Variants in LARP1 observed in about 807,000 individuals in gnomAD.
LARP1 encodes the protein la-related protein 1.
In LARP1, 36 loss-of-function variants were observed where a neutral mutation model predicts 122.7. The observed-to-expected ratio is 0.29, with a 90% CI of 0.22 to 0.39. The LOEUF is 0.39. Among genes scored for constraint, LARP1 ranks in the 10% least tolerant of loss-of-function variants. The pLI, the probability that LARP1 is intolerant of heterozygous loss-of-function variation, is 1.00. For missense variants in LARP1, 1,040 were observed against 1,403.6 expected (o/e 0.74, Z 4.14); for synonymous variants, 539 against 528.7 (o/e 1.02, Z -0.27).
chr5:154,787,600 A>T (rs1266629160), intron 1 of LARP1, among the ~76,000 whole-genome samples: 2 of 152,186 alleles, frequency 1.3e-5, no homozygotes, highest in Non-Finnish European at 2.9e-5. Flanking sequence ...TATGAATTTT[A>T]GATTTTAAAG....
Position 154,731,734 on chromosome 5 carries a change from C to A in LARP1, c.205+18604C>A, listed in dbSNP as rs147940298. Among the ~76,000 whole-genome samples, 29 of 152,156 alleles carry A rather than the reference C, an allele frequency of 1.9e-4. No homozygotes were observed. In the Middle Eastern group the frequency reaches 0.01, roughly 54 times the overall value. On this transcript the variant is annotated intron_variant, in intron 1 of 18. Transcript: ENST00000336314. ...ATTGGTAGAGGCATTTAAAATAGCT[C>A]ATTCAAGAAAGATGAGCCAGCGGGG...
At chr5:154,738,173 C>T (rs182385337) in intron 1 of LARP1, among the ~76,000 whole-genome samples, 3 of 152,232 alleles carry the variant, frequency 2.0e-5, no homozygotes, top group Admixed American at 1.3e-4. Context: ...CTGCCATTCC[C>T]TAAGCAGTCT....
At chr5:154,813,338 T>C (rs1447653988) in intron 18 of LARP1, among the ~76,000 whole-genome samples, 1 of 152,208 alleles carries the variant, frequency 6.6e-6, no homozygotes. Context: ...TTCGGGGTTA[T>C]AAGACCTTTG....
rs1759745032 is a variant in LARP1 at position 154,817,370 on chromosome 5, CGTA to C, written c.*3278_*3280del. 6.6e-6 allele frequency: 1 copy of C among 152,376 alleles called. No homozygotes were observed. Among genetic ancestry groups the C allele is most frequent in the Non-Finnish European group, 1.5e-5 (1 of 68,008 alleles). The allele number at this position is 152,376 out of a possible 1,614,324, so 9.4% of individuals were successfully genotyped here. On this transcript the variant is annotated 3_prime_UTR_variant, in exon 19 of 19. Coordinates refer to ENST00000518297, the MANE Select transcript of LARP1 (RefSeq NM_033551.3). The stretch of plus-strand genomic sequence containing the variant: ...TGCGGAGAAGGTTCCACCTTACGCT[CGTA>C]GTACATTATCTTTACTATGTGCTAG...
chr5:154,771,051 G>T (rs375711316), intron 1 of LARP1, among the ~76,000 whole-genome samples: 2 of 151,460 alleles, frequency 1.3e-5, no homozygotes, highest in African/African-American at 4.9e-5. Context: ...GGTGGAGGTT[G>T]CTGTGAGCCA....
chr5:154,718,992 G>GTC (rs947246828), intron 1 of LARP1, among the ~76,000 whole-genome samples: 1 of 152,214 alleles, frequency 6.6e-6, no homozygotes, highest in Non-Finnish European at 1.5e-5. Flanking sequence ...CAGAAGCAGG[G>GTC]TCTCTCTTGA....
intron 1 of LARP1, among the ~76,000 whole-genome samples, chr5:154,747,175 G>A (rs985653864): frequency 6.6e-6 from 1 of 151,756 alleles, no homozygotes; most frequent in Non-Finnish European, 1.5e-5. Flanking sequence ...GTGAGGTGGC[G>A]GGCACCTGTA....
At chr5:154,715,460 C>G (rs1212123140) in intron 1 of LARP1, among the ~76,000 whole-genome samples, 1 of 151,890 alleles carries the variant, frequency 6.6e-6, no homozygotes, top group African/African-American at 2.4e-5. Context: ...TCAGGCTGCT[C>G]TTGAACTCCC....
intron 14 of LARP1, chr5:154,805,220 A>G: frequency 4.1e-6 from 1 of 246,198 alleles, no homozygotes; most frequent in Non-Finnish European, 8.0e-6. Flanking sequence ...TGAACCTAAA[A>G]TAAAAGTTAA....
chr5:154,698,017 G>A (rs1253579298), intron 1 of LARP1, among the ~76,000 whole-genome samples: 6 of 151,810 alleles, frequency 4.0e-5, no homozygotes, highest in African/African-American at 1.2e-4. Context: ...GTTGAAATGA[G>A]GTTGGGTGGT....
At chr5:154,687,140 T>C (rs1753975431) in intron 1 of LARP1, among the ~76,000 whole-genome samples, 1 of 152,278 alleles carries the variant, frequency 6.6e-6, no homozygotes, top group Non-Finnish European at 1.5e-5. Flanking sequence ...ATAGGTGATA[T>C]CTAACTTGCT....
At chr5:154,756,679 C>G (rs1329144668) in intron 1 of LARP1, among the ~76,000 whole-genome samples, 2 of 152,112 alleles carry the variant, frequency 1.3e-5, no homozygotes, top group African/African-American at 2.4e-5. Flanking sequence ...GGAGTACATG[C>G]TGGCCGCACG....
chr5:154,760,118 T>C lies in LARP1; in HGVS notation c.436+3925T>C, dbSNP rs916798024. ...CCATGCCCGGCTAATTTTGTATTTT[T>C]AGTAGAACGGGGTTTCTCCATGTTG... On this transcript the variant is annotated intron_variant, in intron 1 of 18. Coordinates refer to ENST00000518297, the MANE Select transcript of LARP1 (RefSeq NM_033551.3). 4.6e-5 allele frequency among the ~76,000 whole-genome samples: 7 copies of C among 152,234 alleles called. No homozygotes were observed. In the South Asian group the frequency reaches 1.5e-3, roughly 32 times the overall value.
intron 8 of LARP1, among the ~76,000 whole-genome samples, chr5:154,799,163 G>C (rs1378193028): frequency 6.6e-6 from 1 of 152,182 alleles, no homozygotes; most frequent in Non-Finnish European, 1.5e-5. Flanking sequence ...GGCCCGACCT[G>C]TAAAGTTTTT....
upstream of LARP1, among the ~76,000 whole-genome samples, chr5:154,708,841 C>T (rs1451592630): frequency 2.0e-5 from 3 of 152,092 alleles, no homozygotes; most frequent in African/African-American, 7.2e-5. Flanking sequence ...GAACTTCCGA[C>T]CTCTGGAGAT....
chr5:154,690,100 T>C (rs1188991101), intron 1 of LARP1, among the ~76,000 whole-genome samples: 1 of 152,022 alleles, frequency 6.6e-6, no homozygotes, highest in African/African-American at 2.4e-5. Flanking sequence ...ATCAAGTAGC[T>C]AGCAGCCCTC....
At chr5:154,696,174 C>A (rs1243302816) in intron 1 of LARP1, among the ~76,000 whole-genome samples, 1 of 151,868 alleles carries the variant, frequency 6.6e-6, no homozygotes, top group African/African-American at 2.4e-5. Context: ...CAGGGTAACA[C>A]GGAGAAACAC....
rs952644218 is a variant in LARP1, at chr5:154,812,924, C to G, written c.3082-963C>G. ...ATGCAATTATCTCCACCTGGTCCCT[C>G]CCGCGACATGTGGGGATTATGGGAA... On this transcript the variant is annotated intron_variant, in intron 18 of 18. Coordinates refer to ENST00000518297, the MANE Select transcript of LARP1 (RefSeq NM_033551.3). 5.3e-5 allele frequency among the ~76,000 whole-genome samples: 8 copies of G among 152,170 alleles called. 1 individual carries two copies. The highest frequency in any genetic ancestry group is 1.9e-4 in the African/African-American group (8 of 41,440).
chr5:154,787,321 T>C (rs1048885179), intron 1 of LARP1, among the ~76,000 whole-genome samples: 2 of 152,180 alleles, frequency 1.3e-5, no homozygotes, highest in Non-Finnish European at 2.9e-5. Flanking sequence ...GACATGGGGA[T>C]TGGTGCCTGT....
Sources: gnomAD v4.1 joint callset for allele counts (sites outside exome capture counted in the v4.1 genomes callset) on GRCh38, gnomAD v4.1.1 for gene constraint, MANE v1.5 for transcripts, NCBI Gene and HGNC (gene_info 2026-07-23, HGNC 2026-07-21) for gene names.